RNF216: variants seen among roughly 807,000 people sequenced by gnomAD.
RNF216 encodes ring finger protein 216.
In RNF216, 72 loss-of-function variants were observed where a neutral mutation model predicts 110.8. That is an observed-to-expected ratio of 0.65 (90% CI 0.54 to 0.79). The LOEUF is 0.79. Among genes scored for constraint, RNF216 ranks in the 30% least tolerant of loss-of-function variants. The probability of loss-of-function intolerance (pLI) is 0.00; values close to 1 mark genes in which losing one functional copy is unlikely to be tolerated. For missense variants in RNF216, 1,342 were observed against 1,141.2 expected (o/e 1.18, Z -2.54); for synonymous variants, 495 against 407.5 (o/e 1.21, Z -2.59).
At chr7:5,628,164 T>C (rs1350502325) in intron 15 of RNF216, among the ~76,000 whole-genome samples, 2 of 152,150 alleles carry the variant, frequency 1.3e-5, no homozygotes, top group East Asian at 3.9e-4. Flanking sequence ...CCAGAGCCTT[T>C]CTTCCAATCC....
chr7:5,738,657 G>A (rs530142311), intron 5 of RNF216, among the ~76,000 whole-genome samples: 13 of 133,392 alleles, frequency 9.7e-5, no homozygotes, highest in South Asian at 2.5e-4. Flanking sequence ...GCAGTGAGCC[G>A]AGATCGCACC....
chr7:5,638,135 G>A (rs994052654), intron 15 of RNF216, among the ~76,000 whole-genome samples: 3 of 152,122 alleles, frequency 2.0e-5, no homozygotes, highest in African/African-American at 7.2e-5. Flanking sequence ...GCTACCACCT[G>A]CCCCTGTGGT....
At chr7:5,774,526 T>C (rs749076914) in intron 1 of RNF216, among the ~76,000 whole-genome samples, 1 of 152,350 alleles carries the variant, frequency 6.6e-6, no homozygotes, top group Middle Eastern at 3.4e-3. Flanking sequence ...GTGCCTGATA[T>C]ATACTAAGTG....
intron 13 of RNF216, among the ~76,000 whole-genome samples, chr7:5,695,739 A>G (rs1791585648): frequency 6.6e-6 from 1 of 152,210 alleles, no homozygotes; most frequent in Non-Finnish European, 1.5e-5. Flanking sequence ...AGGCATTCAC[A>G]GAGGGAAAAG....
intron 13 of RNF216, among the ~76,000 whole-genome samples, chr7:5,695,106 A>G (rs1243703970): frequency 6.6e-6 from 1 of 152,220 alleles, no homozygotes; most frequent in African/African-American, 2.4e-5. Context: ...ATAGCCAAGA[A>G]GTTCAATGAC....
intron 1 of RNF216, among the ~76,000 whole-genome samples, chr7:5,761,785 C>CAAA (rs1199654099): frequency 3.4e-5 from 3 of 87,228 alleles, no homozygotes; most frequent in Non-Finnish European, 4.8e-5. Flanking sequence ...GACTCCGTCA[C>CAAA]AAAAAAAAAA....
chr7:5,729,186 C>T (rs538822751), intron 7 of RNF216, among the ~76,000 whole-genome samples: 1 of 152,322 alleles, frequency 6.6e-6, no homozygotes, highest in East Asian at 1.9e-4. Flanking sequence ...CTGCATTCCA[C>T]AGTAGAAGGT....
intron 1 of RNF216, among the ~76,000 whole-genome samples, chr7:5,777,257 A>T (rs554863560): frequency 6.6e-6 from 1 of 152,342 alleles, no homozygotes; most frequent in South Asian, 2.1e-4. Flanking sequence ...GCACTTCTCA[A>T]TTCTCCTGAT....
chr7:5,724,695 G>A (rs1395981924), intron 8 of RNF216, among the ~76,000 whole-genome samples: 3 of 152,158 alleles, frequency 2.0e-5, no homozygotes, highest in East Asian at 3.8e-4. Flanking sequence ...AGTCATACCT[G>A]AAATCAAGTG....
chr7:5,754,952 T>G (rs1374729096), intron 2 of RNF216, among the ~76,000 whole-genome samples: 1 of 149,364 alleles, frequency 6.7e-6, no homozygotes, highest in Non-Finnish European at 1.5e-5. Flanking sequence ...CGCTTTAACC[T>G]GGGAGATGGA....
chr7:5,668,961 C>G (rs192106791), intron 13 of RNF216, among the ~76,000 whole-genome samples: 1 of 152,350 alleles, frequency 6.6e-6, no homozygotes, highest in African/African-American at 2.4e-5. Flanking sequence ...GGGCTCTTAT[C>G]CAGCCGAAAT....
chr7:5,660,715 C>A (rs1789062005), intron 13 of RNF216, among the ~76,000 whole-genome samples: 1 of 151,798 alleles, frequency 6.6e-6, no homozygotes. Context: ...GTAGCTGGGA[C>A]CACAGGTGTG....
intron 13 of RNF216, among the ~76,000 whole-genome samples, chr7:5,711,047 A>C (rs1210412500): frequency 1.3e-5 from 2 of 152,166 alleles, no homozygotes; most frequent in African/African-American, 4.8e-5. Flanking sequence ...ACTCTCCCCA[A>C]GGCAAAGATA....
At chr7:5,732,920 C>T (rs2345864) in intron 5 of RNF216, 148,002 of 152,374 alleles carry the variant, frequency 0.97, 71,892 homozygotes, top group Middle Eastern at 0.99. Flanking sequence ...CCAACTGAAG[C>T]TGACCACGTG....
chr7:5,672,596 A>G (rs186908724), intron 13 of RNF216, among the ~76,000 whole-genome samples: 2 of 152,372 alleles, frequency 1.3e-5, no homozygotes, highest in African/African-American at 2.4e-5. Context: ...ATGTTGAATT[A>G]CATTTTTATC....
At chr7:5,743,111 A>G (rs1794852177) in intron 3 of RNF216, among the ~76,000 whole-genome samples, 2 of 152,008 alleles carry the variant, frequency 1.3e-5, no homozygotes, top group African/African-American at 4.8e-5. Context: ...AAATACAAAC[A>G]TCAGCTGGAC....
At chr7:5,702,253 C>G (rs1490771470) in intron 13 of RNF216, among the ~76,000 whole-genome samples, 2 of 152,120 alleles carry the variant, frequency 1.3e-5, no homozygotes, top group Non-Finnish European at 2.9e-5. Flanking sequence ...CATGTTCACT[C>G]ACAGCTCCCA....
At chr7:5,668,529 C>A (rs1789682861) in intron 13 of RNF216, among the ~76,000 whole-genome samples, 1 of 152,024 alleles carries the variant, frequency 6.6e-6, no homozygotes, top group African/African-American at 2.4e-5. Flanking sequence ...GGCCACAAAG[C>A]GGACTTTTAA....
chr7:5,665,857 A>T (rs1789476506), intron 13 of RNF216, among the ~76,000 whole-genome samples: 1 of 151,890 alleles, frequency 6.6e-6, no homozygotes, highest in Admixed American at 6.6e-5. Flanking sequence ...CATCATGTGG[A>T]CATTTATATA....
Sources: gnomAD v4.1 joint callset for allele counts (sites outside exome capture counted in the v4.1 genomes callset) on GRCh38, gnomAD v4.1.1 for gene constraint, MANE v1.5 for transcripts, NCBI Gene and HGNC (gene_info 2026-07-23, HGNC 2026-07-21) for gene names.